Variants in MFSD6 observed in about 807,000 individuals in gnomAD.
The protein encoded by MFSD6 is major facilitator superfamily domain containing 6, also known as major facilitator superfamily domain-containing protein 6.
Under a neutral mutation model 56.3 loss-of-function variants are expected in MFSD6, and 26 were observed. The observed-to-expected ratio is 0.46, with a 90% CI of 0.34 to 0.64. The LOEUF is 0.64. Ranked by LOEUF, MFSD6 falls within the 30% of genes least tolerant of loss-of-function variation. MFSD6 has a pLI of 0.01. For missense variants in MFSD6, 750 were observed against 986.2 expected (o/e 0.76, Z 3.21); for synonymous variants, 331 against 366.9 (o/e 0.90, Z 1.12).
In MFSD6 at chr2:190,499,124, G is replaced by A. The variant is rs1235977427; in HGVS notation, c.2173-891G>A. ...GGTCACGCCACTGCACTCCGGCCTAGGCGACAGAGTGAGACTCCGTCTCAA... is the reference window on the plus strand; with the variant it reads ...GGTCACGCCACTGCACTCCGGCCTAAGCGACAGAGTGAGACTCCGTCTCAA... On this transcript the variant is annotated intron_variant, in intron 7 of 7. Transcript: ENST00000392328. The surrounding 1 kb of genome is among the most constrained non-coding windows in gnomAD (Gnocchi z 6.0). Among the ~76,000 whole-genome samples the A allele has an allele frequency of 1.3e-5, 2 of 152,160 alleles. No homozygotes were observed. Among genetic ancestry groups the A allele is most frequent in the African/African-American group, 2.4e-5 (1 of 41,428 alleles).
intron 4 of MFSD6, among the ~76,000 whole-genome samples, chr2:190,481,434 T>C (rs1181003744): frequency 1.3e-5 from 2 of 152,238 alleles, no homozygotes; most frequent in African/African-American, 4.8e-5. Context: ...CCATAAATGC[T>C]TTCTTCGTCA....
rs1640077178 is a variant in MFSD6 at position 190,485,076 on chromosome 2, A to C, written c.1631-3581A>C. 6.6e-6 allele frequency among the ~76,000 whole-genome samples: 1 copy of C among 152,192 alleles called. No homozygotes were observed. The highest frequency in any genetic ancestry group is 1.5e-5 in the Non-Finnish European group (1 of 68,012). ...AACTACCACTTAATACTAGTCAGTA[A>C]ATTCTAAGAATAGTTTAAAAGCATC... On this transcript the variant is annotated intron_variant, in intron 4 of 7. Coordinates refer to ENST00000392328, the MANE Select transcript of MFSD6 (RefSeq NM_017694.4). The surrounding 1 kb of genome is among the most constrained non-coding windows in gnomAD (Gnocchi z 5.1).
chr2:190,469,882 A>G lies in MFSD6; in HGVS notation c.1630+27A>G. ...TAAGTTAACAGCTGGGATTGAAATT[A>G]TTTCTCTGCCTTCCCTGAGCTGTGG... On this transcript the variant is annotated intron_variant, in intron 4 of 7. Coordinates refer to ENST00000392328, the MANE Select transcript of MFSD6 (RefSeq NM_017694.4). The surrounding 1 kb of genome is among the most constrained non-coding windows in gnomAD (Gnocchi z 5.3). 2 of 1,508,816 alleles carry G rather than the reference A, an allele frequency of 1.3e-6. No homozygotes were observed. Among genetic ancestry groups the G allele is most frequent in the Admixed American group, 1.7e-5 (1 of 57,362 alleles). The allele number at this position is 1,508,816 out of a possible 1,614,324, so 93.5% of individuals were successfully genotyped here.
intron 2 of MFSD6, among the ~76,000 whole-genome samples, chr2:190,428,381 G>A (rs950908691): frequency 1.1e-4 from 16 of 152,152 alleles, no homozygotes; most frequent in African/African-American, 3.6e-4. Context: ...GCTATTCCCA[G>A]TTTTTAAAGT....
Position 190,490,558 on chromosome 2 carries a change from C to T in MFSD6, c.1891+692C>T, listed in dbSNP as rs1484364940. Among the ~76,000 whole-genome samples the T allele has an allele frequency of 6.8e-6, 1 of 147,788 alleles. No homozygotes were observed. The highest frequency in any genetic ancestry group is 1.5e-5 in the Non-Finnish European group (1 of 65,914). On this transcript the variant is annotated intron_variant, in intron 6 of 7. Coordinates refer to ENST00000392328, the MANE Select transcript of MFSD6 (RefSeq NM_017694.4). This position sits in a 1 kb window ranked among gnomAD's most constrained non-coding sequence, Gnocchi z 4.5. Reference sequence around the variant, plus strand: ...AGCCTGGGGGAACGAGCAAGACTCCCTCTCAAAAAAAAAACAAAAAACAAA... The same window carrying T: ...AGCCTGGGGGAACGAGCAAGACTCCTTCTCAAAAAAAAAACAAAAAACAAA...
chr2:190,408,180 G>T (rs982168596), upstream of MFSD6, among the ~76,000 whole-genome samples: 1 of 151,864 alleles, frequency 6.6e-6, no homozygotes, highest in Non-Finnish European at 1.5e-5. Flanking sequence ...CCCTGAAACG[G>T]GTCCAGCCGG....
chr2:190,475,007 T>C (rs1219675624), intron 4 of MFSD6, among the ~76,000 whole-genome samples: 1 of 152,122 alleles, frequency 6.6e-6, no homozygotes, highest in African/African-American at 2.4e-5. Context: ...CTTTGCAAAA[T>C]TCAACAACCC....
Position 190,423,720 on chromosome 2 carries a change from T to A in MFSD6, c.-54+8307T>A, listed in dbSNP as rs1280438303. ...GTTTTATTAGAAACTGCTAAACTGCTTTCTAGAGTGGTGTACCATTTTAAA... is the reference window on the plus strand; with the variant it reads ...GTTTTATTAGAAACTGCTAAACTGCATTCTAGAGTGGTGTACCATTTTAAA... On this transcript the variant is annotated intron_variant, in intron 2 of 7. Coordinates refer to ENST00000392328, the MANE Select transcript of MFSD6 (RefSeq NM_017694.4). This position sits in a 1 kb window ranked among gnomAD's most constrained non-coding sequence, Gnocchi z 4.3. Among the ~76,000 whole-genome samples, 1 of 152,246 alleles carries A rather than the reference T, an allele frequency of 6.6e-6. No homozygotes were observed. Among genetic ancestry groups the A allele is most frequent in the Non-Finnish European group, 1.5e-5 (1 of 68,042 alleles).
At chr2:190,429,276 C>T (rs1685884361) in intron 2 of MFSD6, among the ~76,000 whole-genome samples, 1 of 150,928 alleles carries the variant, frequency 6.6e-6, no homozygotes, top group Admixed American at 6.6e-5. Context: ...AATATCTTCT[C>T]TCACTCTTTG....
At chr2:190,449,242 G>A (rs1686687337) in intron 3 of MFSD6, among the ~76,000 whole-genome samples, 1 of 152,190 alleles carries the variant, frequency 6.6e-6, no homozygotes, top group Non-Finnish European at 1.5e-5. Context: ...GGCAGGCTGA[G>A]GCAGGTGGAT....
At chr2:190,479,053 A>G (rs767459971) in intron 4 of MFSD6, among the ~76,000 whole-genome samples, 3 of 152,124 alleles carry the variant, frequency 2.0e-5, no homozygotes, top group Non-Finnish European at 4.4e-5. Context: ...TCAGTCTTGC[A>G]GTTTCTTGAT....
In MFSD6 at chr2:190,488,418, T is replaced by C. The variant is rs1370065936; in HGVS notation, c.1631-239T>C. On this transcript the variant is annotated intron_variant, in intron 4 of 7. Coordinates refer to ENST00000392328, the MANE Select transcript of MFSD6 (RefSeq NM_017694.4). The surrounding 1 kb of genome is among the most constrained non-coding windows in gnomAD (Gnocchi z 6.4). ...GTTATGGTTTAAGGGGTACAGAATT[T>C]TTGTTGTGGTGGTGAAAAAGTTCTG... Among the ~76,000 whole-genome samples the C allele has an allele frequency of 6.6e-6, 1 of 152,178 alleles. No homozygotes were observed. Among genetic ancestry groups the C allele is most frequent in the Non-Finnish European group, 1.5e-5 (1 of 68,034 alleles).
Position 190,469,746 on chromosome 2 carries a change from A to ATT in MFSD6, c.1533-4_1533-3dup. On this transcript the variant is annotated splice_polypyrimidine_tract_variant and intron_variant, in intron 3 of 7. Transcript: ENST00000392328. This position sits in a 1 kb window ranked among gnomAD's most constrained non-coding sequence, Gnocchi z 5.3. ...TTTTTTTATTTTATTTTTATTTTTTATTTTTTTTTAGGGTTCTGTACATTG... is the reference window on the plus strand; with the variant it reads ...TTTTTTTATTTTATTTTTATTTTTTATTTTTTTTTTTAGGGTTCTGTACATTG... The ATT allele has an allele frequency of 7.3e-7, 1 of 1,364,932 alleles. No homozygotes were observed. Among genetic ancestry groups the ATT allele is most frequent in the South Asian group, 1.7e-5 (1 of 57,508 alleles). The allele number at this position is 1,364,932 out of a possible 1,614,324, so 84.6% of individuals were successfully genotyped here. A position where few individuals can be genotyped will look rare whatever the true frequency, so the allele number is the denominator to read the frequency against.
chr2:190,480,175 A>G (rs905127879), intron 4 of MFSD6, among the ~76,000 whole-genome samples: 1 of 152,170 alleles, frequency 6.6e-6, no homozygotes, highest in African/African-American at 2.4e-5. Flanking sequence ...AACAACAACA[A>G]ACAAACAAAG....
At chr2:190,422,827 C>G (rs1314094725) in intron 2 of MFSD6, among the ~76,000 whole-genome samples, 4 of 151,782 alleles carry the variant, frequency 2.6e-5, no homozygotes, top group Non-Finnish European at 4.4e-5. Context: ...TTATTATTTT[C>G]TAGATGTTTG....
chr2:190,453,095 T>C (rs945405379), intron 3 of MFSD6, among the ~76,000 whole-genome samples: 1 of 152,068 alleles, frequency 6.6e-6, no homozygotes, highest in African/African-American at 2.4e-5. Flanking sequence ...AAAAGAAAAA[T>C]GTCAGATGCT....
Position 190,500,020 on chromosome 2 carries a change from C to T in MFSD6, c.2178C>T (p.Thr726=). The T allele has an allele frequency of 6.2e-7, 1 of 1,614,126 alleles. No individual in the cohort carries two copies. The highest frequency in any genetic ancestry group is 8.5e-7 in the Non-Finnish European group (1 of 1,179,998). The change falls in exon 8 of 8, where the codon ACC becomes ACT. Residue 726 remains threonine (T), a synonymous_variant. Transcript: ENST00000392328. The surrounding 1 kb of genome is among the most constrained non-coding windows in gnomAD (Gnocchi z 5.3). ...RASEIQPLQG[T]NENRENSPAG... Reference sequence around the variant, plus strand: ...CTCCTGTTTTTTACCTCCAGGGGACCAATGAGAATAGGGAAAATTCTCCTG... The same window carrying T: ...CTCCTGTTTTTTACCTCCAGGGGACTAATGAGAATAGGGAAAATTCTCCTG...
chr2:190,449,076 C>T (rs1686681875), intron 3 of MFSD6, among the ~76,000 whole-genome samples: 1 of 152,192 alleles, frequency 6.6e-6, no homozygotes, highest in South Asian at 2.1e-4. Flanking sequence ...TATATTTTGC[C>T]CTAAATGGCA....
rs866804436 is a variant in MFSD6 at position 190,496,998 on chromosome 2, A to G, written c.1892-441A>G. On this transcript the variant is annotated intron_variant, in intron 6 of 7. Transcript: ENST00000392328. The surrounding 1 kb of genome is among the most constrained non-coding windows in gnomAD (Gnocchi z 4.7). Reference sequence around the variant, plus strand: ...GTGATGGTTGCACCAAAATCTCACAAATCACCATTAGAGAACTTACGTAAC... The same window carrying G: ...GTGATGGTTGCACCAAAATCTCACAGATCACCATTAGAGAACTTACGTAAC... Among the ~76,000 whole-genome samples the G allele has an allele frequency of 7.2e-5, 11 of 152,188 alleles. No homozygotes were observed. Among genetic ancestry groups the G allele is most frequent in the African/African-American group, 2.7e-4 (11 of 41,444 alleles).
Sources: allele counts gnomAD v4.1 joint callset (sites outside exome capture counted in the v4.1 genomes callset), GRCh38; gene constraint gnomAD v4.1.1; non-coding constraint Gnocchi (gnomAD v3.1); transcripts MANE v1.5; gene names NCBI Gene and HGNC (gene_info 2026-07-23, HGNC 2026-07-21).